The following EYA2 variants were observed in gnomAD, a reference collection of about 807,000 sequenced individuals.
EYA2 encodes the protein protein phosphatase EYA2.
EYA2 carries 31 observed loss-of-function variants against 69.2 expected under a neutral mutation model. That is an observed-to-expected ratio of 0.45 (90% confidence interval 0.34 to 0.60). The LOEUF (loss-of-function observed/expected upper bound fraction) is 0.60, where lower values mean the gene tolerates loss of function less well. Among genes scored for constraint, EYA2 ranks in the 20% least tolerant of loss-of-function variants. The pLI is 0.02. For missense variants in EYA2, 622 were observed against 701.2 expected, an observed-to-expected ratio of 0.89 and a Z score of 1.28; for synonymous variants, 257 against 279.4, an observed-to-expected ratio of 0.92 and a Z score of 0.80.
In EYA2 at chr20:47,146,417, T is replaced by C. The variant is rs1394451187; in HGVS notation, c.978+3269T>C. ...GAGTCTTGCCCCACTCTGCTGTTTC[T>C]GTCTGGCCCCTGAAGTCGAAGTTGC... On this transcript the variant is annotated intron_variant, in intron 10 of 15. Transcript: ENST00000327619. 5.3e-5 allele frequency among the ~76,000 whole-genome samples: 8 copies of C among 152,340 alleles called. No individual in the cohort carries two copies. In the South Asian group the frequency reaches 1.0e-3, roughly 20 times the overall value.
At chr20:46,997,218 A>G (rs1982083885) in intron 2 of EYA2, among the ~76,000 whole-genome samples, 1 of 152,212 alleles carries the variant, frequency 6.6e-6, no homozygotes, top group Non-Finnish European at 1.5e-5. Flanking sequence ...ACGTGAGAAC[A>G]TGATAAAACT....
At chr20:46,986,414 T>TATATAATATATAA in intron 1 of EYA2, among the ~76,000 whole-genome samples, 2 of 145,600 alleles carry the variant, frequency 1.4e-5, no homozygotes, top group African/African-American at 5.1e-5. Flanking sequence ...ATCTATATAA[T>TATATAATATATAA]ATCTATATAT....
At chr20:46,982,136 G>A (rs914702161) in intron 1 of EYA2, among the ~76,000 whole-genome samples, 11 of 151,988 alleles carry the variant, frequency 7.2e-5, no homozygotes, top group South Asian at 6.2e-4. Flanking sequence ...CTGAATTTTC[G>A]TGTTTCCAGA....
intron 7 of EYA2, among the ~76,000 whole-genome samples, chr20:47,085,017 G>A (rs1206243895): frequency 1.3e-5 from 2 of 151,498 alleles, no homozygotes; most frequent in Non-Finnish European, 2.9e-5. Context: ...TGTATTTTTT[G>A]TAGAGACGGG....
At chr20:47,109,143 C>T (rs1025747567) in intron 9 of EYA2, among the ~76,000 whole-genome samples, 3 of 152,136 alleles carry the variant, frequency 2.0e-5, no homozygotes, top group African/African-American at 7.2e-5. Context: ...GTTTTCCATC[C>T]AGGGTCTCCC....
At chr20:47,001,658 G>T (rs1249970523) in intron 3 of EYA2, among the ~76,000 whole-genome samples, 185 bp downstream of exon 3, 1 of 152,134 alleles carries the variant, frequency 6.6e-6, no homozygotes, top group African/African-American at 2.4e-5. Flanking sequence ...TCCCATCTGG[G>T]AGCGGGGGAC....
intron 10 of EYA2, among the ~76,000 whole-genome samples, chr20:47,158,019 C>G (rs923109914): frequency 6.6e-6 from 1 of 151,956 alleles, no homozygotes; most frequent in African/African-American, 2.4e-5. Flanking sequence ...TGGAAGGCCC[C>G]TGCGATCCCA....
At chr20:47,033,507 A>G (rs74326556) in intron 5 of EYA2, among the ~76,000 whole-genome samples, 1,540 of 152,318 alleles carry the variant, frequency 0.01, 17 homozygotes, top group African/African-American at 0.035. Flanking sequence ...GTCTAAGTCA[A>G]TCCATCCCGG....
intron 2 of EYA2, among the ~76,000 whole-genome samples, chr20:46,996,674 A>G (rs901650285): frequency 2.0e-5 from 3 of 152,212 alleles, no homozygotes; most frequent in Non-Finnish European, 4.4e-5. Context: ...GGCTCACTGT[A>G]TTAGTCCGTT....
rs56834738 is a variant in EYA2 at position 46,908,870 on chromosome 20, C to CTTTTTTT, written c.-11+13914_-11+13920dup. On this transcript the variant is annotated intron_variant, in intron 1 of 15. Coordinates refer to ENST00000327619, the MANE Select transcript of EYA2 (RefSeq NM_005244.5). ...AAAGGCACTAAGCCTCTCTCCCGCA[C>CTTTTTTT]TTTTTTTTTTTTTTTTTTTTTTTTT... Among the ~76,000 whole-genome samples the CTTTTTTT allele has an allele frequency of 1.0e-3, 48 of 47,582 alleles. 10 individuals carry two copies. Among genetic ancestry groups the CTTTTTTT allele is most frequent in the African/African-American group, 3.1e-3 (36 of 11,476 alleles). The allele number at this position is 47,582 out of a possible 152,430, so 31.2% of individuals were successfully genotyped here. A position where few individuals can be genotyped will look rare whatever the true frequency, so the allele number is the denominator to read the frequency against.
chr20:47,149,819 T>C (rs774962665), intron 10 of EYA2, among the ~76,000 whole-genome samples: 5 of 151,748 alleles, frequency 3.3e-5, no homozygotes, highest in Non-Finnish European at 5.9e-5. Flanking sequence ...ACCACTGCAG[T>C]CCAGACTGGG....
intron 5 of EYA2, among the ~76,000 whole-genome samples, chr20:47,019,368 G>C (rs1727568183): frequency 6.6e-6 from 1 of 152,230 alleles, no homozygotes; most frequent in African/African-American, 2.4e-5. Context: ...AACTGCTCTT[G>C]AGACAGCCCA....
chr20:47,109,123 A>G (rs2032676730), intron 9 of EYA2, among the ~76,000 whole-genome samples: 1 of 152,096 alleles, frequency 6.6e-6, no homozygotes, highest in Non-Finnish European at 1.5e-5. Flanking sequence ...CCAAGCTGCA[A>G]AGATGCCCTG....
chr20:47,071,946 G>A (rs757832443), intron 5 of EYA2: 9 of 540,536 alleles, frequency 1.7e-5, no homozygotes, highest in Non-Finnish European at 3.0e-5. Context: ...GCACTTGGAA[G>A]CACCCAGGAG....
intron 1 of EYA2, among the ~76,000 whole-genome samples, chr20:46,966,133 T>G (rs1012130342): frequency 1.1e-4 from 17 of 152,198 alleles, no homozygotes; most frequent in Non-Finnish European, 7.3e-5. Flanking sequence ...TACAGTCTTT[T>G]TTTCTTTTTC....
intron 1 of EYA2, among the ~76,000 whole-genome samples, chr20:46,967,202 A>G (rs748194863): frequency 1.4e-4 from 22 of 152,292 alleles, no homozygotes; most frequent in Non-Finnish European, 2.6e-4. Flanking sequence ...GGGTTTCACC[A>G]TGTTGGTCAG....
At chr20:47,027,109 A>G (rs1349220071) in intron 5 of EYA2, among the ~76,000 whole-genome samples, 1 of 152,190 alleles carries the variant, frequency 6.6e-6, no homozygotes, top group African/African-American at 2.4e-5. Context: ...GGGTTCCCCC[A>G]CCTCTGGCTT....
chr20:47,122,692 G>A (rs1179202077), intron 9 of EYA2, among the ~76,000 whole-genome samples: 2 of 152,002 alleles, frequency 1.3e-5, no homozygotes, highest in African/African-American at 4.8e-5. Flanking sequence ...CAAGAGCAGA[G>A]GTCAGCAAAC....
chr20:47,071,911 G>A, intron 5 of EYA2: 1 of 457,500 alleles, frequency 2.2e-6, no homozygotes, highest in Non-Finnish European at 4.0e-6. Flanking sequence ...GGTCACGTGA[G>A]CCATAGCCAC....
Sources: gnomAD v4.1 joint callset for allele counts (sites outside exome capture counted in the v4.1 genomes callset) on GRCh38, gnomAD v4.1.1 for gene constraint, MANE v1.5 for transcripts, NCBI Gene and HGNC (gene_info 2026-07-23, HGNC 2026-07-21) for gene names.